CSRNP3: variants seen among roughly 807,000 people sequenced by gnomAD.
CSRNP3 encodes the protein cysteine/serine-rich nuclear protein 3.
A neutral mutation model predicts 48.0 loss-of-function variants in CSRNP3; 12 were observed. The ratio of observed to expected loss-of-function variants is 0.25; its 90% confidence interval spans 0.16 to 0.41. The LOEUF (loss-of-function observed/expected upper bound fraction) is 0.41, where lower values mean the gene tolerates loss of function less well. CSRNP3 is among the 10% of genes least tolerant of loss of function. CSRNP3 has a pLI of 1.00. For missense variants in CSRNP3, 580 were observed against 724.4 expected, an observed-to-expected ratio of 0.80 and a Z score of 2.29; for synonymous variants, 263 against 269.7, an observed-to-expected ratio of 0.98 and a Z score of 0.24.
At chr2:165,474,833 C>G (rs1683940036) in intron 1 of CSRNP3, among the ~76,000 whole-genome samples, 1 of 152,200 alleles carries the variant, frequency 6.6e-6, no homozygotes, top group Non-Finnish European at 1.5e-5. Context: ...CACTTCAGAC[C>G]TGCCCCTGAT....
intron 4 of CSRNP3, among the ~76,000 whole-genome samples, chr2:165,633,317 G>A (rs1008469762): frequency 1.3e-5 from 2 of 152,102 alleles, no homozygotes; most frequent in East Asian, 1.9e-4. Flanking sequence ...TAGAGTAAGC[G>A]GATTTATAGT....
At position 165,681,803 on chromosome 2, in the gene CSRNP3, ATGTGTGTGTG is replaced by A. The variant is rs372840967; in HGVS notation, c.*2068_*2077del. 1.4e-4 allele frequency: 18 copies of A among 126,834 alleles called. No homozygotes were observed. The highest frequency in any genetic ancestry group is 3.9e-4 in the African/African-American group (13 of 33,610). 7.9% of individuals were successfully genotyped at this position (126,834 alleles called of 1,614,324 possible). On this transcript the variant is annotated 3_prime_UTR_variant, in exon 7 of 7. Coordinates refer to ENST00000651982, the MANE Select transcript of CSRNP3 (RefSeq NM_001172173.2). Reference sequence around the variant, plus strand: ...TACACATATATATACACATATATGTATGTGTGTGTGTGTGTGTGTGTGTGTGTATATATAT... The same window carrying A: ...TACACATATATATACACATATATGTATGTGTGTGTGTGTGTGTATATATAT...
At chr2:165,530,012 C>T (rs1029386106) in intron 3 of CSRNP3, among the ~76,000 whole-genome samples, 1 of 152,126 alleles carries the variant, frequency 6.6e-6, no homozygotes, top group South Asian at 2.1e-4. Context: ...TTTTTAAAAT[C>T]ATGAGGAATG....
At chr2:165,473,802 ATTGT>A (rs1683923486) in intron 1 of CSRNP3, among the ~76,000 whole-genome samples, 1 of 152,180 alleles carries the variant, frequency 6.6e-6, no homozygotes, top group Admixed American at 6.6e-5. Flanking sequence ...AATGGCCTAA[ATTGT>A]TTGAGCTGAA....
At chr2:165,623,073 A>ATAAAATAAAT (rs1441795732) in intron 4 of CSRNP3, among the ~76,000 whole-genome samples, 1 of 152,176 alleles carries the variant, frequency 6.6e-6, no homozygotes, top group East Asian at 1.9e-4. Context: ...AAATATTTAA[A>ATAAAATAAAT]ACATAAATAA....
intron 3 of CSRNP3, among the ~76,000 whole-genome samples, chr2:165,563,802 T>G (rs568525781): frequency 3.9e-5 from 6 of 152,262 alleles, no homozygotes; most frequent in African/African-American, 1.4e-4. Flanking sequence ...TGCTGTTAAA[T>G]TTCATGTGAA....
At chr2:165,594,124 T>G (rs1024978447) in intron 3 of CSRNP3, among the ~76,000 whole-genome samples, 3 of 152,148 alleles carry the variant, frequency 2.0e-5, no homozygotes, top group African/African-American at 7.2e-5. Flanking sequence ...CAAAAAAAAT[T>G]CAAAATTCAG....
chr2:165,649,089 A>G (rs1442416679), intron 4 of CSRNP3, among the ~76,000 whole-genome samples: 1 of 152,228 alleles, frequency 6.6e-6, no homozygotes, highest in East Asian at 1.9e-4. Flanking sequence ...TTCATGATCC[A>G]AAACAAAGCT....
At chr2:165,638,995 T>C (rs1686680181) in intron 4 of CSRNP3, among the ~76,000 whole-genome samples, 1 of 152,210 alleles carries the variant, frequency 6.6e-6, no homozygotes, top group African/African-American at 2.4e-5. Flanking sequence ...AATCAATACA[T>C]AATCTTGTTT....
intron 3 of CSRNP3, among the ~76,000 whole-genome samples, chr2:165,553,687 A>G (rs1363513100): frequency 1.3e-5 from 2 of 152,054 alleles, no homozygotes; most frequent in Non-Finnish European, 2.9e-5. Context: ...TTTCCCACAA[A>G]ATTTCTACCT....
At chr2:165,645,162 CG>C (rs1330178134) in intron 4 of CSRNP3, among the ~76,000 whole-genome samples, 19 of 152,044 alleles carry the variant, frequency 1.2e-4, no homozygotes, top group African/African-American at 4.1e-4. Context: ...GGTGAAACCC[CG>C]TCAATACTAA....
intron 4 of CSRNP3, among the ~76,000 whole-genome samples, chr2:165,638,344 C>T (rs928089779): frequency 6.6e-6 from 1 of 152,060 alleles, no homozygotes; most frequent in African/African-American, 2.4e-5. Flanking sequence ...GCCTGTAGTC[C>T]CAGCTACTCA....
intron 5 of CSRNP3, 113 bp downstream of exon 5, chr2:165,658,133 C>A: frequency 1.7e-6 from 2 of 1,194,904 alleles, no homozygotes; most frequent in Non-Finnish European, 2.3e-6. Flanking sequence ...ACATAACAGA[C>A]TGCTTGCTGA....
intron 3 of CSRNP3, among the ~76,000 whole-genome samples, chr2:165,564,135 T>C (rs1481157697): frequency 6.6e-5 from 10 of 152,114 alleles, no homozygotes; most frequent in Non-Finnish European, 1.2e-4. Context: ...TGTGATTTCT[T>C]ACAGAAAATT....
chr2:165,573,622 A>T (rs946063350), intron 3 of CSRNP3, among the ~76,000 whole-genome samples: 7 of 152,348 alleles, frequency 4.6e-5, no homozygotes, highest in African/African-American at 1.4e-4. Context: ...TTTTAAAGGC[A>T]TCCTGGGACC....
intron 3 of CSRNP3, among the ~76,000 whole-genome samples, chr2:165,527,192 G>A (rs112830306): frequency 7.5e-6 from 1 of 133,028 alleles, no homozygotes; most frequent in Non-Finnish European, 1.6e-5. Context: ...GTATGACGCT[G>A]TTTGTACTTT....
At chr2:165,676,275 C>T (rs1687422017) in intron 5 of CSRNP3, 37 bp from the exon 6 acceptor site, 3 of 1,574,058 alleles carry the variant, frequency 1.9e-6, no homozygotes, top group East Asian at 4.5e-5. Flanking sequence ...GTACCCTGCC[C>T]TTAATGAGTC....
chr2:165,673,197 G>A (rs1687360563), intron 5 of CSRNP3, among the ~76,000 whole-genome samples: 1 of 118,736 alleles, frequency 8.4e-6, no homozygotes, highest in Non-Finnish European at 1.6e-5. Context: ...TATTATAATG[G>A]TGCAATATTG....
In CSRNP3 at chr2:165,679,684, C is replaced by A. The variant is rs765827808; in HGVS notation, c.1689C>A (p.Ser563Arg). Residue 563 changes from serine (S) to arginine (R), a missense_variant, in exon 7 of 7, where the codon AGC becomes AGA. Transcript: ENST00000651982. Reference sequence around the variant, plus strand: ...AGCATCCTGCTGAAAATTCTTTGAGCCTTGCAGAAAAGAGCATATTGCATG... The same window carrying A: ...AGCATCCTGCTGAAAATTCTTTGAGACTTGCAGAAAAGAGCATATTGCATG... ...ISEHPAENSL[S>R]LAEKSILHEE... is the part of the protein sequence containing the mutation. 3 of 1,614,092 alleles carry A rather than the reference C, an allele frequency of 1.9e-6. No homozygotes were observed. In the Admixed American group the frequency reaches 5.0e-5, roughly 27 times the overall value.
Sources: allele counts gnomAD v4.1 joint callset (sites outside exome capture counted in the v4.1 genomes callset), GRCh38; gene constraint gnomAD v4.1.1; transcripts MANE v1.5; gene names NCBI Gene and HGNC (gene_info 2026-07-23, HGNC 2026-07-21).